The following SLC25A26 variants were observed in gnomAD, a reference collection of about 807,000 sequenced individuals.
SLC25A26 encodes mitochondrial S-adenosylmethionine carrier protein.
A neutral mutation model predicts 37.8 loss-of-function variants in SLC25A26; 36 were observed. That is an observed-to-expected ratio of 0.95 (90% CI 0.73 to 1.26). The LOEUF is 1.26. Among genes scored for constraint, SLC25A26 ranks in the 50% most tolerant of loss-of-function variants. The probability of loss-of-function intolerance (pLI) is 0.00; values close to 1 mark genes in which losing one functional copy is unlikely to be tolerated. For missense variants in SLC25A26, 390 were observed against 331.1 expected, an observed-to-expected ratio of 1.18 and a Z score of -1.38; for synonymous variants, 129 against 122.5, an observed-to-expected ratio of 1.05 and a Z score of -0.35.
intron 1 of SLC25A26, among the ~76,000 whole-genome samples, chr3:66,163,741 G>A (rs1426318260): frequency 1.3e-5 from 2 of 152,122 alleles, no homozygotes; most frequent in Non-Finnish European, 2.9e-5. Context: ...AGTTCTCTCT[G>A]CCTTGACCAA....
intron 3 of SLC25A26, among the ~76,000 whole-genome samples, chr3:66,256,588 A>G (rs1057302116): frequency 1.3e-5 from 2 of 152,192 alleles, no homozygotes; most frequent in Admixed American, 1.3e-4. Flanking sequence ...CAATAAATAT[A>G]TGTAGAGGCA....
At chr3:66,167,021 C>T (rs2070434256) in intron 1 of SLC25A26, among the ~76,000 whole-genome samples, 1 of 152,166 alleles carries the variant, frequency 6.6e-6, no homozygotes, top group Non-Finnish European at 1.5e-5. Context: ...TCTTGTCTGC[C>T]ACCATGTGAG....
chr3:66,362,152 A>G (rs926126894), intron 6 of SLC25A26, among the ~76,000 whole-genome samples: 9 of 152,248 alleles, frequency 5.9e-5, no homozygotes, highest in East Asian at 3.8e-4. Flanking sequence ...AGTTAAACAT[A>G]TAACTCCCAT....
intron 1 of SLC25A26, among the ~76,000 whole-genome samples, chr3:66,164,662 T>C (rs1033443043): frequency 5.3e-5 from 8 of 152,232 alleles, no homozygotes; most frequent in African/African-American, 1.9e-4. Context: ...TTGTATGTAA[T>C]ATATGATCTG....
At chr3:66,220,881 G>A, upstream of SLC25A26, 2 of 604,040 alleles carry the variant, frequency 3.3e-6, no homozygotes, top group Non-Finnish European at 5.8e-6. Flanking sequence ...CCGAGACTTA[G>A]CTCCACCACA....
intron 1 of SLC25A26, among the ~76,000 whole-genome samples, chr3:66,193,754 G>A (rs1332184155): frequency 2.0e-5 from 3 of 152,136 alleles, no homozygotes; most frequent in Non-Finnish European, 4.4e-5. Flanking sequence ...CACAGTCATT[G>A]AAAAGACAAG....
intron 5 of SLC25A26, among the ~76,000 whole-genome samples, chr3:66,314,406 G>C (rs1037421068): frequency 6.6e-6 from 1 of 152,122 alleles, no homozygotes; most frequent in African/African-American, 2.4e-5. Flanking sequence ...CTGTTTATGT[G>C]ATGAATTATG....
Position 66,377,778 on chromosome 3 carries a change from C to G in SLC25A26, c.796C>G (p.Leu266Val), listed in dbSNP as rs1575633748. The G allele has an allele frequency of 6.2e-7, 1 of 1,613,870 alleles. No homozygotes were observed. The highest frequency in any genetic ancestry group is 1.3e-5 in the African/African-American group (1 of 75,010). The change falls in exon 10 of 10, where the codon CTG (leucine) becomes GTG (valine). Residue 266 changes from leucine (L) to valine (V), a missense_variant. Coordinates refer to ENST00000354883, the MANE Select transcript of SLC25A26 (RefSeq NM_001379210.1). ...GGCTTATGACCGAACGCACAGCTTG[C>G]TGTTGGAAGTTGGCAGAAAGAGTCC... is the stretch of plus-strand genomic sequence containing the variant. ...LGAYDRTHSL[L>V]LEVGRKSP
chr3:66,377,889 C>T lies in SLC25A26; in HGVS notation c.*82C>T, dbSNP rs950657439. On this transcript the variant is annotated 3_prime_UTR_variant, in exon 10 of 10. Transcript: ENST00000354883. ...CTCTTCCGCTGAGCAGCTGTCTGAA[C>T]TATAGGCCCCAGTGCTGAAGACCAG... 4.7e-6 allele frequency: 5 copies of T among 1,057,166 alleles called. No homozygotes were observed. The African/African-American group carries it at 7.9e-5, about 17-fold the overall frequency. The allele number at this position is 1,057,166 out of a possible 1,614,324, so 65.5% of individuals were successfully genotyped here.
Position 66,232,192 on chromosome 3 carries a change from G to A in SLC25A26, c.34-4352G>A, listed in dbSNP as rs782724778. Among the ~76,000 whole-genome samples, 17 of 151,990 alleles carry A rather than the reference G, an allele frequency of 1.1e-4. No individual in the cohort carries two copies. In the East Asian group the frequency reaches 2.5e-3, roughly 22 times the overall value. ...TCCAGTAGATTATGGTAATGTTTTC[G>A]TTAACAGTGCCTGTACCCATTCTTC... is the stretch of plus-strand genomic sequence containing the variant. On this transcript the variant is annotated intron_variant, in intron 1 of 9. Transcript: ENST00000354883.
chr3:66,369,397 G>C, intron 7 of SLC25A26, 81 bp from the exon 8 acceptor site: 1 of 1,175,950 alleles, frequency 8.5e-7, no homozygotes, highest in Non-Finnish European at 1.2e-6. Flanking sequence ...GAAGTGATTT[G>C]GGCAGAGTCA....
chr3:66,207,700 A>T (rs2071199101), intron 1 of SLC25A26, among the ~76,000 whole-genome samples: 1 of 152,252 alleles, frequency 6.6e-6, no homozygotes, highest in Non-Finnish European at 1.5e-5. Flanking sequence ...ATTGTAGAAT[A>T]CTTGAGAGAC....
At chr3:66,217,238 G>T (rs1365835768), upstream of SLC25A26, among the ~76,000 whole-genome samples, 1 of 152,102 alleles carries the variant, frequency 6.6e-6, no homozygotes, top group Non-Finnish European at 1.5e-5. Context: ...TATAAGTCTA[G>T]GTTAAATTTT....
At chr3:66,154,828 T>C (rs1308784871) in intron 1 of SLC25A26, among the ~76,000 whole-genome samples, 1 of 152,180 alleles carries the variant, frequency 6.6e-6, no homozygotes, top group African/African-American at 2.4e-5. Context: ...CGAGGCCTAG[T>C]TTTACTAGCT....
intron 1 of SLC25A26, among the ~76,000 whole-genome samples, chr3:66,225,968 C>G (rs2071727096): frequency 6.6e-6 from 1 of 152,152 alleles, no homozygotes; most frequent in African/African-American, 2.4e-5. Context: ...CTAGGAAGTT[C>G]CAAACTTTCC....
chr3:66,236,669 T>C lies in SLC25A26; in HGVS notation c.159T>C (p.Val53=), dbSNP rs1433026627. Residue 53 remains valine (V), a synonymous_variant, in exon 2 of 10, where the codon GTT becomes GTC. Coordinates refer to ENST00000354883, the MANE Select transcript of SLC25A26 (RefSeq NM_001379210.1). ...AGGFHGIYAG[V]PSAAIGSFPN... Reference sequence around the variant, plus strand: ...GTTTTCATGGAATATATGCTGGCGTTCCTTCTGCTGCTATTGGATCCTTTC... The same window carrying C: ...GTTTTCATGGAATATATGCTGGCGTCCCTTCTGCTGCTATTGGATCCTTTC... The C allele has an allele frequency of 2.0e-6, 3 of 1,526,502 alleles. No individual in the cohort carries two copies. The highest frequency in any genetic ancestry group is 2.6e-6 in the Non-Finnish European group (3 of 1,139,460). 94.6% of individuals were successfully genotyped at this position (1,526,502 alleles called of 1,614,324 possible).
At chr3:66,291,436 A>C (rs1407519061) in intron 5 of SLC25A26, among the ~76,000 whole-genome samples, 1 of 152,154 alleles carries the variant, frequency 6.6e-6, no homozygotes. Flanking sequence ...TCCTGTTGGC[A>C]TTTAGTGCTA....
chr3:66,196,838 C>A (rs949466260), intron 1 of SLC25A26, among the ~76,000 whole-genome samples: 7 of 152,042 alleles, frequency 4.6e-5, no homozygotes, highest in Admixed American at 2.0e-4. Flanking sequence ...TAAGAGACAC[C>A]TAGAGGACAG....
chr3:66,307,912 T>C (rs2075272608), intron 5 of SLC25A26, among the ~76,000 whole-genome samples: 1 of 152,198 alleles, frequency 6.6e-6, no homozygotes. Context: ...AGCCTTGTAG[T>C]ATAGTTTGAA....
Sources: gnomAD v4.1 joint callset for allele counts (sites outside exome capture counted in the v4.1 genomes callset) on GRCh38, gnomAD v4.1.1 for gene constraint, MANE v1.5 for transcripts, NCBI Gene and HGNC (gene_info 2026-07-23, HGNC 2026-07-21) for gene names.